The following ABCA5 variants were observed in gnomAD, a reference collection of about 807,000 sequenced individuals.
ABCA5 encodes ATP binding cassette subfamily A member 5, also known as cholesterol transporter ABCA5.
ABCA5 carries 163 observed loss-of-function variants against 206.0 expected under a neutral mutation model. The observed-to-expected ratio is 0.79, with a 90% CI of 0.70 to 0.90. ABCA5 has a LOEUF of 0.90. Ranked by LOEUF, ABCA5 falls within the 40% of genes least tolerant of loss-of-function variation. The pLI is 0.00. For synonymous variants in ABCA5, 609 were observed against 613.8 expected (o/e 0.99, Z 0.11); for missense variants, 1,859 against 1,912.9 (o/e 0.97, Z 0.53).
At chr17:69,278,082 A>C (rs374229646) in intron 18 of ABCA5, among the ~76,000 whole-genome samples, 16 of 152,088 alleles carry the variant, frequency 1.1e-4, no homozygotes, top group East Asian at 7.8e-4. Context: ...CACATGTACA[A>C]GAACATGAGA....
chr17:69,270,790 A>C, intron 21 of ABCA5, 40 bp from the exon 22 acceptor site: 1 of 1,469,120 alleles, frequency 6.8e-7, no homozygotes, highest in Non-Finnish European at 9.0e-7. Flanking sequence ...TACTGTATAT[A>C]AGCGGATATA....
At chr17:69,253,376 T>C (rs1486803364) in intron 34 of ABCA5, among the ~76,000 whole-genome samples, 197 bp downstream of exon 34, 1 of 152,152 alleles carries the variant, frequency 6.6e-6, no homozygotes, top group African/African-American at 2.4e-5. Flanking sequence ...TAAAATATTA[T>C]GAACACTTCA....
At chr17:69,262,979 G>C (rs2075165871) in intron 24 of ABCA5, among the ~76,000 whole-genome samples, 1 of 152,166 alleles carries the variant, frequency 6.6e-6, no homozygotes, top group Non-Finnish European at 1.5e-5. Context: ...ACATTTCTCT[G>C]ATGATTAGTG....
intron 34 of ABCA5, among the ~76,000 whole-genome samples, chr17:69,252,366 G>GA (rs555856808): frequency 4.8e-4 from 71 of 147,454 alleles, no homozygotes; most frequent in South Asian, 2.3e-3. Context: ...TTGTCAAATG[G>GA]AAAAAAAAAA....
rs139447246 is a variant in ABCA5, at chr17:69,251,759, G to C, written c.4523C>G (p.Ser1508Cys). Residue 1508 changes from serine to cysteine, a missense_variant, in exon 35 of 39, where the codon TCT becomes TGT. By Grantham distance (112) the Ser-to-Cys change is moderately radical (BLOSUM62 -1). Coordinates refer to ENST00000392676, the MANE Select transcript of ABCA5 (RefSeq NM_172232.4). ...TTTAGACATCAACCTTAACTGCCCA[G>C]ACACCATGATAGCTACTCGATCACA... ...AVCDRVAIMV[S>C]GQLRCIGTVQ... 1.6e-3 allele frequency: 2,573 copies of C among 1,613,718 alleles called. 8 individuals are homozygous for C. The highest frequency in any genetic ancestry group is 2.0e-3 in the Non-Finnish European group (2,369 of 1,179,942).
At chr17:69,259,825 G>A in intron 27 of ABCA5, 28 bp from the exon 28 acceptor site, 2 of 1,380,666 alleles carry the variant, frequency 1.4e-6, no homozygotes, top group Non-Finnish European at 2.0e-6. Flanking sequence ...AGCAGCTCAT[G>A]ACTAAAAGAT....
intron 5 of ABCA5, 42 bp from the exon 6 acceptor site, chr17:69,306,996 T>G: frequency 7.1e-7 from 1 of 1,398,630 alleles, no homozygotes; most frequent in Non-Finnish European, 9.6e-7. Flanking sequence ...AATTTAGTTA[T>G]GATAGCAGCC....
intron 31 of ABCA5, among the ~76,000 whole-genome samples, chr17:69,255,303 T>C (rs1228536958): frequency 6.6e-6 from 1 of 152,184 alleles, no homozygotes; most frequent in African/African-American, 2.4e-5. Context: ...AACTCACGCA[T>C]GTAAGCATTA....
intron 23 of ABCA5, among the ~76,000 whole-genome samples, chr17:69,266,052 A>G (rs2075204120): frequency 6.6e-6 from 1 of 152,198 alleles, no homozygotes; most frequent in Admixed American, 6.5e-5. Context: ...ATGGTTAGAG[A>G]AAGTGTGATG....
intron 19 of ABCA5, among the ~76,000 whole-genome samples, chr17:69,277,372 C>A (rs1308696881): frequency 1.3e-5 from 2 of 152,028 alleles, no homozygotes; most frequent in African/African-American, 4.8e-5. Flanking sequence ...GATACAATGA[C>A]AGTAATTAAA....
rs566495065 is a variant in ABCA5, at chr17:69,278,886, C to G, written c.2393-1044G>C. Among the ~76,000 whole-genome samples the G allele has an allele frequency of 7.8e-3, 1,181 of 151,388 alleles. 6 individuals carry two copies. The highest frequency in any genetic ancestry group is 0.014 in the Middle Eastern group (4 of 294). On this transcript the variant is annotated intron_variant, in intron 18 of 38. Coordinates refer to ENST00000392676, the MANE Select transcript of ABCA5 (RefSeq NM_172232.4). ...AATTAGGTATTGATGGGACATATCT[C>G]AAAATAATAAGAGCTATCTATGACA...
intron 1 of ABCA5, chr17:69,318,752 C>T: frequency 6.2e-6 from 4 of 649,190 alleles, no homozygotes; most frequent in Non-Finnish European, 1.1e-5. Flanking sequence ...GCTTACACTC[C>T]CGAGTTGAAA....
At chr17:69,279,862 C>T (rs1309890226) in intron 18 of ABCA5, among the ~76,000 whole-genome samples, 1 of 152,156 alleles carries the variant, frequency 6.6e-6, no homozygotes, top group Non-Finnish European at 1.5e-5. Context: ...CCCTTCCTTA[C>T]ACCTTGTACA....
chr17:69,301,782 G>A (rs1011616279), intron 8 of ABCA5, among the ~76,000 whole-genome samples: 6 of 152,256 alleles, frequency 3.9e-5, no homozygotes, highest in South Asian at 4.1e-4. Flanking sequence ...AAAGAGAAAT[G>A]TACTGGAGGT....
At chr17:69,251,564 A>G in intron 35 of ABCA5, 183 bp downstream of exon 35, 4 of 698,006 alleles carry the variant, frequency 5.7e-6, no homozygotes, top group Middle Eastern at 2.6e-4. Context: ...ATTCAAATTC[A>G]AAGTAGACAG....
chr17:69,322,992 A>G (rs545994087), intron 1 of ABCA5, among the ~76,000 whole-genome samples: 20 of 152,278 alleles, frequency 1.3e-4, no homozygotes, highest in African/African-American at 4.3e-4. Context: ...CCTACCTCCA[A>G]CAAATGACTG....
chr17:69,261,364 GAAC>G, intron 25 of ABCA5, 105 bp from the exon 26 acceptor site: 2 of 1,068,642 alleles, frequency 1.9e-6, no homozygotes, highest in Non-Finnish European at 2.7e-6. Context: ...ATAAAACATG[GAAC>G]AAGAGATGAT....
At chr17:69,259,867 C>A in intron 27 of ABCA5, 70 bp from the exon 28 acceptor site, 2 of 948,134 alleles carry the variant, frequency 2.1e-6, no homozygotes, top group South Asian at 1.8e-5. Flanking sequence ...TTTCCTTTGC[C>A]AACAGAACTA....
chr17:69,255,582 A>T lies in ABCA5; in HGVS notation c.4029T>A (p.Ile1343=). 6.3e-7 allele frequency: 1 copy of T among 1,582,782 alleles called. No individual in the cohort carries two copies. Among genetic ancestry groups the T allele is most frequent in the Non-Finnish European group, 8.5e-7 (1 of 1,170,768 alleles). The stretch of plus-strand genomic sequence containing the variant: ...GTTCAATATCACCAACCAGAATATT[A>T]ATAATTGTGCTTTTGCCAGCACCAT... ...GPNGAGKSTI[I]NILVGDIEPT... The change falls in exon 31 of 39, where the codon ATT becomes ATA. Residue 1343 remains isoleucine, a synonymous_variant. Transcript: ENST00000392676.
Sources: allele counts gnomAD v4.1 joint callset (sites outside exome capture counted in the v4.1 genomes callset), GRCh38; gene constraint gnomAD v4.1.1; transcripts MANE v1.5; gene names NCBI Gene and HGNC (gene_info 2026-07-23, HGNC 2026-07-21).